STAB2: variants seen among roughly 807,000 people sequenced by gnomAD.
STAB2 encodes stabilin-2.
In STAB2, 288 loss-of-function variants were observed where a neutral mutation model predicts 338.1. The ratio of observed to expected loss-of-function variants is 0.85; its 90% CI spans 0.77 to 0.94. The LOEUF (loss-of-function observed/expected upper bound fraction) is 0.94, where lower values mean the gene tolerates loss of function less well. Among genes scored for constraint, STAB2 ranks in the 40% least tolerant of loss-of-function variants. The pLI, the probability that STAB2 is intolerant of heterozygous loss-of-function variation, is 0.00. For synonymous variants in STAB2, 1,202 were observed against 1,193.3 expected (o/e 1.01, Z -0.15); for missense variants, 3,141 against 3,210.1 (o/e 0.98, Z 0.52).
chr12:103,733,245 C>A (rs758231528), intron 51 of STAB2, 63 bp downstream of exon 51: 4 of 1,573,300 alleles, frequency 2.5e-6, no homozygotes, highest in Non-Finnish European at 3.5e-6. Flanking sequence ...AAATTCAGCA[C>A]CAAGGCATTG....
intron 44 of STAB2, among the ~76,000 whole-genome samples, chr12:103,720,212 C>A (rs1290563243): frequency 6.6e-6 from 1 of 152,160 alleles, no homozygotes; most frequent in Non-Finnish European, 1.5e-5. Context: ...ATGGGCCATT[C>A]ATGTTTTGTA....
intron 22 of STAB2, among the ~76,000 whole-genome samples, chr12:103,672,519 T>A (rs1344312429): frequency 6.6e-6 from 1 of 152,176 alleles, no homozygotes; most frequent in African/African-American, 2.4e-5. Context: ...CTTTTTTGCT[T>A]TAAGTCTGGC....
chr12:103,643,966 G>C (rs1388450983), intron 9 of STAB2, among the ~76,000 whole-genome samples: 1 of 79,638 alleles, frequency 1.3e-5, no homozygotes, highest in African/African-American at 5.4e-5. Context: ...GGGCGCCTCT[G>C]CCTGGCCGCC....
chr12:103,698,797 C>T (rs747082158), intron 33 of STAB2, among the ~76,000 whole-genome samples: 21 of 152,170 alleles, frequency 1.4e-4, no homozygotes, highest in South Asian at 8.3e-4. Flanking sequence ...CTCAGTAGTT[C>T]TGCCCAAAGA....
chr12:103,654,208 T>C (rs1440288091), intron 12 of STAB2, among the ~76,000 whole-genome samples: 1 of 152,256 alleles, frequency 6.6e-6, no homozygotes, highest in Non-Finnish European at 1.5e-5. Context: ...ATTGTGTGCT[T>C]TCTCTGTGCA....
intron 15 of STAB2, among the ~76,000 whole-genome samples, chr12:103,656,148 A>G (rs915150902): frequency 1.3e-5 from 2 of 152,264 alleles, no homozygotes; most frequent in African/African-American, 4.8e-5. Flanking sequence ...GAAACCATTT[A>G]AAGTGTTTCC....
At chr12:103,645,812 G>A (rs1873285254) in intron 9 of STAB2, among the ~76,000 whole-genome samples, 1 of 151,602 alleles carries the variant, frequency 6.6e-6, no homozygotes, top group African/African-American at 2.4e-5. Context: ...GGGCTGGGCT[G>A]TGTAAGTAGA....
rs901339509 is a variant in STAB2 at position 103,739,461 on chromosome 12, A to C, written c.5747A>C (p.Lys1916Thr). 2 of 1,591,718 alleles carry C rather than the reference A, an allele frequency of 1.3e-6. No homozygotes were observed. Among genetic ancestry groups the C allele is most frequent in the Admixed American group, 3.5e-5 (2 of 56,436 alleles). ...ACTCCCAGCTGCCCAAGGTGGAGTA[A>C]ACCAAAGGTAATTAAGACTGCAGTG... Reference protein sequence around the residue: ...VNTPSCPRWSKPKGVKQKCLY... With the variant: ...VNTPSCPRWSTPKGVKQKCLY... Residue 1916 changes from lysine to threonine, a missense_variant, in exon 54 of 69, where the codon AAA becomes ACA. Lys to Thr is a moderately conservative substitution (Grantham distance 78). Coordinates refer to ENST00000388887, the MANE Select transcript of STAB2 (RefSeq NM_017564.10).
chr12:103,708,258 G>A (rs57416097), intron 38 of STAB2, among the ~76,000 whole-genome samples, 183 bp from the exon 39 acceptor site: 18,299 of 152,176 alleles, frequency 0.12, 1,868 homozygotes, highest in African/African-American at 0.28. Flanking sequence ...GTTCACCTGT[G>A]AACTTGCTAG....
chr12:103,680,138 G>A (rs968133700), intron 25 of STAB2, among the ~76,000 whole-genome samples: 7 of 152,204 alleles, frequency 4.6e-5, no homozygotes, highest in Admixed American at 6.5e-5. Context: ...GGAGAGGAAC[G>A]AGGAGTTATT....
At chr12:103,706,639 T>C (rs1265373723) in intron 37 of STAB2, among the ~76,000 whole-genome samples, 153 bp from the exon 38 acceptor site, 1 of 152,056 alleles carries the variant, frequency 6.6e-6, no homozygotes, top group Admixed American at 6.6e-5. Context: ...CCTCACCCAG[T>C]CCCCAGAGGG....
In STAB2 at chr12:103,746,631, T is replaced by C. The variant is rs1289551525; in HGVS notation, c.6171T>C (p.Ala2057=). The change falls in exon 58 of 69, where the codon GCT becomes GCC. Residue 2057 remains alanine, a synonymous_variant. Transcript: ENST00000388887. ...LPAVCTPPCS[A]HATCKENNTC... ...CAGTGTGTACGCCTCCTTGTTCTGC[T>C]CATGCCACCTGTAAGGAGAACAACA... The C allele has an allele frequency of 1.2e-6, 2 of 1,614,162 alleles. No individual in the cohort carries two copies. The highest frequency in any genetic ancestry group is 2.7e-5 in the African/African-American group (2 of 75,072).
chr12:103,626,947 C>G (rs534405280), intron 5 of STAB2, among the ~76,000 whole-genome samples: 14 of 152,344 alleles, frequency 9.2e-5, no homozygotes, highest in African/African-American at 3.4e-4. Flanking sequence ...CCCGTTTTCT[C>G]TAACATGATC....
At chr12:103,655,680 G>A in intron 15 of STAB2, 99 bp downstream of exon 15, 3 of 1,457,570 alleles carry the variant, frequency 2.1e-6, no homozygotes, top group East Asian at 4.6e-5. Flanking sequence ...TAAATAAGTT[G>A]TACATGTATC....
intron 46 of STAB2, among the ~76,000 whole-genome samples, chr12:103,726,754 AAAACT>A (rs1220842064): frequency 6.6e-6 from 1 of 152,206 alleles, no homozygotes; most frequent in African/African-American, 2.4e-5. Context: ...TAAAATATAA[AAAACT>A]AAAATAAAAT....
chr12:103,595,445 G>A (rs7134377), intron 3 of STAB2, among the ~76,000 whole-genome samples: 48,755 of 151,798 alleles, frequency 0.32, 9,962 homozygotes, highest in African/African-American at 0.58. Context: ...GTATTCTGTC[G>A]CATATAGGAA....
chr12:103,758,546 C>T (rs1013024101), intron 64 of STAB2, among the ~76,000 whole-genome samples: 1 of 152,206 alleles, frequency 6.6e-6, no homozygotes, highest in Non-Finnish European at 1.5e-5. Flanking sequence ...GGCGAGTTCT[C>T]AGGGCAATGG....
At chr12:103,643,603 A>G (rs1040350403) in intron 9 of STAB2, among the ~76,000 whole-genome samples, 18 of 152,246 alleles carry the variant, frequency 1.2e-4, no homozygotes, top group Non-Finnish European at 2.2e-4. Context: ...GATGTAGCAC[A>G]GTGGCAGTGA....
chr12:103,637,358 G>A (rs1003015636), intron 7 of STAB2, 122 bp downstream of exon 7: 33 of 1,335,390 alleles, frequency 2.5e-5, no homozygotes, highest in Non-Finnish European at 3.1e-5. Context: ...GTGTAGTTGA[G>A]TGAAACGTAT....
Sources: gnomAD v4.1 joint callset for allele counts (sites outside exome capture counted in the v4.1 genomes callset) on GRCh38, gnomAD v4.1.1 for gene constraint, MANE v1.5 for transcripts, NCBI Gene and HGNC (gene_info 2026-07-23, HGNC 2026-07-21) for gene names.